CACNA1C: variants seen among roughly 807,000 people sequenced by gnomAD.
The protein encoded by CACNA1C is calcium voltage-gated channel subunit alpha1 C.
A neutral mutation model predicts 229.0 loss-of-function variants in CACNA1C; 30 were observed. The ratio of observed to expected loss-of-function variants is 0.13; its 90% CI spans 0.10 to 0.18. CACNA1C has a LOEUF of 0.18. Ranked by LOEUF, CACNA1C falls within the 10% of genes least tolerant of loss-of-function variation. The pLI is 1.00. For missense variants in CACNA1C, 1,658 were observed against 2,845.0 expected, an observed-to-expected ratio of 0.58 and a Z score of 9.49; for synonymous variants, 1,114 against 1,132.5, an observed-to-expected ratio of 0.98 and a Z score of 0.33.
chr12:2,399,453 G>A (rs2098644253), intron 3 of CACNA1C, among the ~76,000 whole-genome samples: 1 of 152,212 alleles, frequency 6.6e-6, no homozygotes, highest in African/African-American at 2.4e-5. Flanking sequence ...TGGGGAGCTT[G>A]AAAGGGGATG....
chr12:2,252,696 G>A (rs2076020832), intron 3 of CACNA1C, among the ~76,000 whole-genome samples: 1 of 152,152 alleles, frequency 6.6e-6, no homozygotes, highest in African/African-American at 2.4e-5. Flanking sequence ...AGATGAAGGT[G>A]TTTGTGCGGG....
chr12:2,077,380 A>G (rs1035522824), intron 1 of CACNA1C, among the ~76,000 whole-genome samples: 3 of 149,220 alleles, frequency 2.0e-5, no homozygotes, highest in African/African-American at 7.5e-5. Flanking sequence ...TTTATATCAC[A>G]GTTTTAAATT....
chr12:1,984,795 A>G (rs2037195562), intron 1 of CACNA1C, among the ~76,000 whole-genome samples: 3 of 151,454 alleles, frequency 2.0e-5, no homozygotes, highest in Non-Finnish European at 4.4e-5. Context: ...AAAAAAAAAA[A>G]AAAAAAGGTT....
intron 3 of CACNA1C, among the ~76,000 whole-genome samples, chr12:2,338,725 A>G (rs1343535443): frequency 6.6e-6 from 1 of 152,160 alleles, no homozygotes; most frequent in Non-Finnish European, 1.5e-5. Flanking sequence ...AGGGCCCAGG[A>G]AGCATGAGAA....
intron 3 of CACNA1C, among the ~76,000 whole-genome samples, chr12:2,256,157 A>T (rs2077643775): frequency 6.7e-6 from 1 of 149,754 alleles, no homozygotes; most frequent in African/African-American, 2.5e-5. Flanking sequence ...ATAAATGCAA[A>T]TTCCTGTGCC....
At chr12:2,481,463 A>C (rs1312905619) in intron 5 of CACNA1C, among the ~76,000 whole-genome samples, 1 of 152,230 alleles carries the variant, frequency 6.6e-6, no homozygotes, top group Non-Finnish European at 1.5e-5. Context: ...TGCGGGCAGC[A>C]CTGTAAGAGG....
Position 2,639,075 on chromosome 12 carries a change from C to T in CACNA1C, c.3912+4695C>T, listed in dbSNP as rs1258399022. ...CTGGGAGATGCCGCTGAACAACTGC[C>T]AGGTGTCACAAGAGGACCGTCTTCA... On this transcript the variant is annotated intron_variant, in intron 30 of 46. Transcript: ENST00000399655. This position sits in a 1 kb window ranked among gnomAD's most constrained non-coding sequence, Gnocchi z 4.2. Among the ~76,000 whole-genome samples the T allele has an allele frequency of 6.6e-6, 1 of 152,230 alleles. No individual in the cohort carries two copies. Among genetic ancestry groups the T allele is most frequent in the Non-Finnish European group, 1.5e-5 (1 of 68,052 alleles).
intron 33 of CACNA1C, 60 bp from the exon 34 acceptor site, chr12:2,655,087 G>A: frequency 9.9e-7 from 1 of 1,014,938 alleles, no homozygotes. Context: ...GAACAATGGT[G>A]GGAAATTAGG....
chr12:2,536,920 A>G (rs552452954), intron 9 of CACNA1C, among the ~76,000 whole-genome samples: 2 of 152,322 alleles, frequency 1.3e-5, no homozygotes, highest in African/African-American at 4.8e-5. Context: ...TAAGATCTCC[A>G]TTTCACACTG....
At chr12:2,667,248 T>C (rs1157588673) in intron 37 of CACNA1C, among the ~76,000 whole-genome samples, 1 of 96,752 alleles carries the variant, frequency 1.0e-5, no homozygotes, top group Non-Finnish European at 1.8e-5. Context: ...AAAAGTGTCG[T>C]TTCCTTTTCT....
chr12:2,583,580 G>C (rs139738415), intron 15 of CACNA1C, among the ~76,000 whole-genome samples: 1 of 152,170 alleles, frequency 6.6e-6, no homozygotes, highest in Non-Finnish European at 1.5e-5. Flanking sequence ...TCTGGGCCAA[G>C]TCCCAGCTAA....
intron 5 of CACNA1C, among the ~76,000 whole-genome samples, chr12:2,462,958 G>A (rs1183955340): frequency 6.8e-6 from 1 of 147,564 alleles, no homozygotes; most frequent in Non-Finnish European, 1.5e-5. Flanking sequence ...TGTCGCCCAG[G>A]CTGGAGTGCA....
chr12:2,059,483 A>G (rs994113821), intron 1 of CACNA1C, among the ~76,000 whole-genome samples: 1 of 152,036 alleles, frequency 6.6e-6, no homozygotes, highest in Non-Finnish European at 1.5e-5. Flanking sequence ...GGGTGAGGAA[A>G]GCGGGGGTTA....
chr12:2,002,194 C>T (rs748528995), intron 1 of CACNA1C, among the ~76,000 whole-genome samples: 1 of 152,150 alleles, frequency 6.6e-6, no homozygotes, highest in Non-Finnish European at 1.5e-5. Context: ...TAAGAATTCC[C>T]CTCCTTAAGA....
chr12:2,574,373 T>C (rs946343490), intron 13 of CACNA1C, among the ~76,000 whole-genome samples: 18 of 152,346 alleles, frequency 1.2e-4, no homozygotes, highest in African/African-American at 4.3e-4. Flanking sequence ...CCAGACAGAT[T>C]CAATCCGGAC....
chr12:2,499,407 A>G (rs891668476), intron 7 of CACNA1C, among the ~76,000 whole-genome samples: 3 of 152,256 alleles, frequency 2.0e-5, no homozygotes, highest in Non-Finnish European at 4.4e-5. Context: ...CTTACAGGAA[A>G]GGTACACACA....
At chr12:2,539,151 G>T (rs931133357) in intron 9 of CACNA1C, among the ~76,000 whole-genome samples, 3 of 152,240 alleles carry the variant, frequency 2.0e-5, no homozygotes, top group Non-Finnish European at 2.9e-5. Context: ...TGCCGTAGGG[G>T]TATGTCGGTC....
chr12:2,086,696 T>C (rs2154067385), intron 1 of CACNA1C, among the ~76,000 whole-genome samples: 1 of 152,290 alleles, frequency 6.6e-6, no homozygotes, highest in East Asian at 1.9e-4. Context: ...CTCTTTGTGG[T>C]CTTTGACGTT....
chr12:2,277,059 C>T lies in CACNA1C; in HGVS notation c.477+156629C>T, dbSNP rs1037077942. Reference sequence around the variant, plus strand: ...TGGCATTGAGCTTTCCTATCAGGAACTATGTCCTCAACTAATATTAATAGC... The same window carrying T: ...TGGCATTGAGCTTTCCTATCAGGAATTATGTCCTCAACTAATATTAATAGC... On this transcript the variant is annotated intron_variant, in intron 3 of 46. Coordinates refer to ENST00000399655, the MANE Select transcript of CACNA1C (RefSeq NM_000719.7). 2.6e-5 allele frequency among the ~76,000 whole-genome samples: 4 copies of T among 152,300 alleles called. No individual in the cohort carries two copies. The East Asian group carries it at 7.7e-4, about 29-fold the overall frequency.
Sources: allele counts gnomAD v4.1 joint callset (sites outside exome capture counted in the v4.1 genomes callset), GRCh38; gene constraint gnomAD v4.1.1; non-coding constraint Gnocchi (gnomAD v3.1); transcripts MANE v1.5; gene names NCBI Gene and HGNC (gene_info 2026-07-23, HGNC 2026-07-21).